Variants in SPATA6 observed in about 807,000 individuals in gnomAD.
The protein encoded by SPATA6 is spermatogenesis-associated protein 6.
In SPATA6, 56 loss-of-function variants were observed where a neutral mutation model predicts 65.3. That is an observed-to-expected ratio of 0.86 (90% CI 0.69 to 1.07). The LOEUF (loss-of-function observed/expected upper bound fraction) is 1.07. SPATA6 is among the 50% of genes least tolerant of loss of function. The probability of loss-of-function intolerance (pLI) is 0.00; values close to 1 mark genes in which losing one functional copy is unlikely to be tolerated. For missense variants in SPATA6, 590 were observed against 594.8 expected (o/e 0.99, Z 0.08); for synonymous variants, 199 against 213.2 (o/e 0.93, Z 0.58).
In SPATA6 at chr1:48,453,063, T is replaced by C. The variant is rs199734647; in HGVS notation, c.120A>G (p.Gln40=). ...DIYLSICVFG[Q]YKKTQCVPAT... ...CTGGGACACATTGTGTCTTTTTGTA[T>C]TGGCCAAACACACAGATGCTAAGAT... The change falls in exon 2 of 13, where the codon CAA becomes CAG. Residue 40 remains glutamine (Q), a synonymous_variant. Transcript: ENST00000371847. The C allele has an allele frequency of 3.5e-5, 56 of 1,613,964 alleles. No homozygotes were observed. Among genetic ancestry groups the C allele is most frequent in the Admixed American group, 2.7e-4 (16 of 59,992 alleles).
At position 48,298,884 on chromosome 1, in the gene SPATA6, C is replaced by T. The variant is rs1355437522; in HGVS notation, c.1296G>A (p.Gln432=). The change falls in exon 13 of 13, where the codon CAG becomes CAA. Residue 432 remains glutamine (Q), a synonymous_variant. Coordinates refer to ENST00000371847, the MANE Select transcript of SPATA6 (RefSeq NM_019073.4). ...YDSDPEYSSC[Q]QPRGTFHLDD... is the part of the protein sequence containing the mutation. ...CCAAATGGAAAGTGCCACGTGGCTG[C>T]TGACATGAGCTATAAAAAGGGATAT... 1.2e-6 allele frequency: 2 copies of T among 1,612,044 alleles called. No individual in the cohort carries two copies. The highest frequency in any genetic ancestry group is 2.2e-5 in the East Asian group (1 of 44,846).
chr1:48,360,712 T>C (rs1045580559), intron 9 of SPATA6, among the ~76,000 whole-genome samples: 1 of 152,164 alleles, frequency 6.6e-6, no homozygotes, highest in Non-Finnish European at 1.5e-5. Context: ...GGCTATTATA[T>C]TGAGAATAGT....
intron 11 of SPATA6, among the ~76,000 whole-genome samples, chr1:48,341,443 GT>G (rs1646212691): frequency 1.3e-5 from 2 of 152,108 alleles, no homozygotes; most frequent in Non-Finnish European, 2.9e-5. Flanking sequence ...TACCCACGCC[GT>G]ATACACTACT....
chr1:48,453,060 G>C lies in SPATA6; in HGVS notation c.123C>G (p.Tyr41Ter), dbSNP rs1570624856. 6.2e-7 allele frequency: 1 copy of C among 1,613,822 alleles called. No individual in the cohort carries two copies. The highest frequency in any genetic ancestry group is 1.3e-5 in the African/African-American group (1 of 74,888). The part of the protein sequence containing the change: ...IYLSICVFGQ[Y>*]KKTQCVPATF... ...TGGCTGGGACACATTGTGTCTTTTT[G>C]TATTGGCCAAACACACAGATGCTAA... Residue 41 changes from tyrosine to a stop codon, truncating the protein, a stop_gained, in exon 2 of 13, where the codon TAC becomes TAG. Transcript: ENST00000371847. LOFTEE classifies it high-confidence loss of function.
At chr1:48,317,865 T>C (rs1466633912) in intron 11 of SPATA6, among the ~76,000 whole-genome samples, 1 of 152,074 alleles carries the variant, frequency 6.6e-6, no homozygotes, top group African/African-American at 2.4e-5. Flanking sequence ...AAAAAAACCC[T>C]GAAAACCAAT....
downstream of SPATA6, among the ~76,000 whole-genome samples, chr1:48,292,107 T>G (rs537246774): frequency 6.6e-6 from 1 of 152,330 alleles, no homozygotes; most frequent in South Asian, 2.1e-4. Flanking sequence ...TTTGGTGGTG[T>G]CATAGTTTTC....
chr1:48,370,608 G>T (rs1647208335), intron 9 of SPATA6, among the ~76,000 whole-genome samples: 2 of 152,176 alleles, frequency 1.3e-5, no homozygotes, highest in South Asian at 4.1e-4. Context: ...AAATATATCA[G>T]ATCTTGAGGG....
intron 11 of SPATA6, among the ~76,000 whole-genome samples, chr1:48,330,339 C>A (rs113785870): frequency 6.6e-6 from 1 of 152,178 alleles, no homozygotes; most frequent in East Asian, 1.9e-4. Flanking sequence ...GTGACGCCTG[C>A]TAGAGCCTCT....
the SPATA6 span, among the ~76,000 whole-genome samples, chr1:48,277,316 AGACAGTGGGTGCAG>A: frequency 1.3e-5 from 2 of 152,264 alleles, no homozygotes; most frequent in East Asian, 1.9e-4. Context: ...AGGGAGTGCC[AGACAGTGGGTGCAG>A]GACAGTGGGT....
rs1557743172 is a variant in SPATA6 at position 48,469,475 on chromosome 1, TA to T, written c.51+2482del. ...TTTCATAAAAACAAATATCTATTTA[TA>T]TATATATATATATATATATATATGT... On this transcript the variant is annotated intron_variant, in intron 1 of 12. Transcript: ENST00000371847. 5.4e-3 allele frequency among the ~76,000 whole-genome samples: 8 copies of T among 1,480 alleles called. No homozygotes were observed. In the Non-Finnish European group the frequency reaches 0.075, roughly 14 times the overall value. The allele number at this position is 1,480 out of a possible 152,430, so 1.0% of individuals were successfully genotyped here.
At chr1:48,346,842 C>G (rs1646378702) in intron 11 of SPATA6, among the ~76,000 whole-genome samples, 1 of 151,960 alleles carries the variant, frequency 6.6e-6, no homozygotes, top group South Asian at 2.1e-4. Context: ...GAAAAACATC[C>G]CATGCTCATG....
chr1:48,278,016 C>T, the SPATA6 span, among the ~76,000 whole-genome samples: 2 of 152,158 alleles, frequency 1.3e-5, no homozygotes, highest in Non-Finnish European at 2.9e-5. Flanking sequence ...GCAGCATTCA[C>T]GGTTCAAGAA....
chr1:48,375,426 A>C (rs1475080093), intron 9 of SPATA6, among the ~76,000 whole-genome samples: 1 of 152,176 alleles, frequency 6.6e-6, no homozygotes, highest in Non-Finnish European at 1.5e-5. Flanking sequence ...AAAGACTCAC[A>C]GGTTCAGTTG....
intron 11 of SPATA6, among the ~76,000 whole-genome samples, chr1:48,322,139 G>GA (rs1645616813): frequency 6.6e-6 from 1 of 151,714 alleles, no homozygotes. Flanking sequence ...AGAAAGGCAA[G>GA]AAAAAACCAA....
At chr1:48,452,038 C>T (rs968131111) in intron 2 of SPATA6, among the ~76,000 whole-genome samples, 9 of 152,154 alleles carry the variant, frequency 5.9e-5, no homozygotes, top group Admixed American at 5.9e-4. Flanking sequence ...TCCCCTTACC[C>T]GCCCATTATT....
At chr1:48,299,844 A>G (rs1233041151) in intron 12 of SPATA6, among the ~76,000 whole-genome samples, 1 of 152,166 alleles carries the variant, frequency 6.6e-6, no homozygotes, top group Non-Finnish European at 1.5e-5. Flanking sequence ...CAAAATGAAA[A>G]AGACAACGTG....
intron 8 of SPATA6, among the ~76,000 whole-genome samples, chr1:48,390,394 C>T (rs566243674): frequency 1.3e-5 from 2 of 152,172 alleles, no homozygotes; most frequent in East Asian, 3.9e-4. Flanking sequence ...ATAATCGATA[C>T]TAGAGGCTGG....
Position 48,417,046 on chromosome 1 carries a change from CTTCA to C in SPATA6, c.239-3899_239-3896del, listed in dbSNP as rs368341079. ...TCTGAGATAAAGAGTAAGACATACA[CTTCA>C]TTCATGGCTATCATTTACTTCAACA... On this transcript the variant is annotated intron_variant, in intron 3 of 12. Transcript: ENST00000371847. 1.1e-4 allele frequency among the ~76,000 whole-genome samples: 16 copies of C among 152,242 alleles called. No individual in the cohort carries two copies. The East Asian group carries it at 3.1e-3, about 29-fold the overall frequency.
At chr1:48,312,831 C>T (rs1211341801) in intron 11 of SPATA6, among the ~76,000 whole-genome samples, 1 of 152,110 alleles carries the variant, frequency 6.6e-6, no homozygotes, top group Non-Finnish European at 1.5e-5. Flanking sequence ...ACTACAATAA[C>T]CAATGCAGAG....
Sources: gnomAD v4.1 joint callset for allele counts (sites outside exome capture counted in the v4.1 genomes callset) on GRCh38, gnomAD v4.1.1 for gene constraint, MANE v1.5 for transcripts, NCBI Gene and HGNC (gene_info 2026-07-23, HGNC 2026-07-21) for gene names.